Variants in ACTA2 observed in about 807,000 individuals in gnomAD.
ACTA2 encodes actin alpha 2, smooth muscle.
Under a neutral mutation model 39.5 loss-of-function variants are expected in ACTA2, and 12 were observed. The observed-to-expected ratio is 0.30, with a 90% CI of 0.19 to 0.49. ACTA2 has a LOEUF of 0.49. ACTA2 is among the 20% of genes least tolerant of loss of function. The pLI is 0.99. For missense variants in ACTA2, 236 were observed against 498.8 expected (o/e 0.47, Z 5.02); for synonymous variants, 158 against 180.6 (o/e 0.88, Z 1.00).
At chr10:88,966,563 T>A (rs1402351864) in intron 1 of ACTA2, among the ~76,000 whole-genome samples, 1 of 152,180 alleles carries the variant, frequency 6.6e-6, no homozygotes, top group Non-Finnish European at 1.5e-5. Flanking sequence ...GTCTGTGAGG[T>A]AATAAGCAGA....
At chr10:88,950,209 C>T (rs531924298) in intron 1 of ACTA2, among the ~76,000 whole-genome samples, 7 of 152,284 alleles carry the variant, frequency 4.6e-5, no homozygotes, top group African/African-American at 1.7e-4. Flanking sequence ...TTCCACTTTT[C>T]TAATCACAAT....
intron 1 of ACTA2, among the ~76,000 whole-genome samples, chr10:88,987,938 G>C (rs185539396): frequency 3.3e-5 from 5 of 151,664 alleles, no homozygotes; most frequent in African/African-American, 1.2e-4. Context: ...TTAGTTGAAG[G>C]CCTTAAAAAA....
At chr10:88,967,053 A>G (rs375619117) in intron 1 of ACTA2, among the ~76,000 whole-genome samples, 5 of 152,238 alleles carry the variant, frequency 3.3e-5, no homozygotes, top group East Asian at 1.9e-4. Flanking sequence ...AGCTTCAGAC[A>G]TACTTTAGCC....
chr10:88,972,962 T>C (rs1045185590), intron 1 of ACTA2, among the ~76,000 whole-genome samples: 1 of 152,242 alleles, frequency 6.6e-6, no homozygotes, highest in African/African-American at 2.4e-5. Context: ...TATGTGTTTA[T>C]ATGTGAGGGC....
chr10:88,970,117 A>G (rs1846399039), intron 1 of ACTA2, among the ~76,000 whole-genome samples: 1 of 152,326 alleles, frequency 6.6e-6, no homozygotes, highest in East Asian at 1.9e-4. Context: ...AATCCCTTAT[A>G]CTTAATGTTA....
chr10:88,946,741 T>A (rs1455396708), intron 3 of ACTA2: 2 of 152,088 alleles, frequency 1.3e-5, no homozygotes, highest in African/African-American at 4.8e-5. Flanking sequence ...TCTTTTTTTT[T>A]TAAATTTTAT....
chr10:88,977,888 C>CCCAG (rs1332064387), intron 1 of ACTA2, among the ~76,000 whole-genome samples: 4 of 82,514 alleles, frequency 4.8e-5, no homozygotes, highest in African/African-American at 1.4e-4. Flanking sequence ...ACCCAGCCAT[C>CCCAG]CCATTACTGG....
At position 88,935,224 on chromosome 10, in the gene ACTA2, T is replaced by C. The variant is rs1845710246; in HGVS notation, c.1133A>G (p.Ter378=). Residue 378 remains the stop codon, a stop_retained_variant, in exon 9 of 9, where the codon TAA becomes TGA. Coordinates refer to ENST00000224784, the MANE Select transcript of ACTA2 (RefSeq NM_001613.4). ...GACAGAGAGGAGCAGGAAAGTGTTT[T>C]AGAAGCATTTGCGGTGGACAATGGA... is the stretch of plus-strand genomic sequence containing the variant. ...GPSIVHRKCF[*] The C allele has an allele frequency of 1.2e-6, 2 of 1,613,094 alleles. No individual in the cohort carries two copies. Among genetic ancestry groups the C allele is most frequent in the Non-Finnish European group, 1.7e-6 (2 of 1,179,754 alleles).
chr10:88,941,607 G>C (rs891398947), intron 5 of ACTA2, among the ~76,000 whole-genome samples, 178 bp downstream of exon 5: 1 of 152,174 alleles, frequency 6.6e-6, no homozygotes, highest in African/African-American at 2.4e-5. Context: ...AAAAAGTTCT[G>C]CTAGAAATAT....
chr10:88,962,164 C>T (rs1846235721), intron 1 of ACTA2, among the ~76,000 whole-genome samples: 1 of 152,138 alleles, frequency 6.6e-6, no homozygotes, highest in Non-Finnish European at 1.5e-5. Context: ...TTCAGAGTTG[C>T]CAGATCTTCC....
chr10:88,990,993 A>G lies in ACTA2; in HGVS notation c.-78T>C. ...GGGGCGGGCGCGGGACGCGTGCGGG[A>G]TTGCGGCGGCAGCGGCGCACGCGGG... On this transcript the variant is annotated 5_prime_UTR_variant, in exon 1 of 5. Coordinates refer to the ACTA2 transcript ENST00000415557. This position sits in a 1 kb window ranked among gnomAD's most constrained non-coding sequence, Gnocchi z 4.9. 6.3e-7 allele frequency: 1 copy of G among 1,590,608 alleles called. No individual in the cohort carries two copies. The highest frequency in any genetic ancestry group is 8.6e-7 in the Non-Finnish European group (1 of 1,161,102).
At chr10:88,948,663 G>A in intron 2 of ACTA2, 139 bp downstream of exon 2, 1 of 1,172,528 alleles carries the variant, frequency 8.5e-7, no homozygotes, top group South Asian at 1.3e-5. Flanking sequence ...ATTTACTCCT[G>A]GACCTTAATC....
At chr10:88,938,862 GATTATTA>G (rs1295690722) in intron 7 of ACTA2, among the ~76,000 whole-genome samples, 3 of 152,110 alleles carry the variant, frequency 2.0e-5, no homozygotes, top group Non-Finnish European at 4.4e-5. Context: ...AGCACTACCT[GATTATTA>G]ATTACTAGTG....
intron 4 of ACTA2, among the ~76,000 whole-genome samples, chr10:88,942,935 A>G (rs1407989175): frequency 6.6e-6 from 1 of 152,232 alleles, no homozygotes; most frequent in Non-Finnish European, 1.5e-5. Context: ...TGATTCTTCA[A>G]TGCTGGAAGA....
chr10:88,965,911 G>GT (rs1196273243), intron 1 of ACTA2, among the ~76,000 whole-genome samples: 1 of 152,148 alleles, frequency 6.6e-6, no homozygotes, highest in Non-Finnish European at 1.5e-5. Flanking sequence ...GTACACCAAT[G>GT]TTTTTTTCCA....
At chr10:88,946,849 C>T (rs1040028378) in intron 3 of ACTA2, 2 of 202,612 alleles carry the variant, frequency 9.9e-6, no homozygotes, top group African/African-American at 2.3e-5. Flanking sequence ...CCCATTAACT[C>T]GTCATTTACA....
intron 1 of ACTA2, among the ~76,000 whole-genome samples, chr10:88,965,870 C>G (rs1052703130): frequency 1.3e-5 from 2 of 152,116 alleles, no homozygotes; most frequent in African/African-American, 4.8e-5. Flanking sequence ...TTTGAGAGAG[C>G]CCTGCCAAAA....
chr10:88,943,852 GT>G lies in ACTA2; in HGVS notation c.313del (p.Thr105ProfsTer8). ...GTTCAGGGGTGCCTCCGTGAGCAGG[GT>G]GGGATGCTCTTCAGGGGCAACACGA... Reference protein sequence around the residue: ...ELRVAPEEHPTLLTEAPLNPK... With the variant: ...ELRVAPEEHPXLLTEAPLNPK... On this transcript the variant is annotated frameshift_variant, in exon 4 of 9. Transcript: ENST00000224784. LOFTEE classifies it high-confidence loss of function. 1 of 1,614,030 alleles carries G rather than the reference GT, an allele frequency of 6.2e-7. No individual in the cohort carries two copies. The highest frequency in any genetic ancestry group is 8.5e-7 in the Non-Finnish European group (1 of 1,179,936).
intron 1 of ACTA2, among the ~76,000 whole-genome samples, chr10:88,978,965 G>A (rs1049580332): frequency 5.3e-5 from 8 of 151,648 alleles, no homozygotes; most frequent in African/African-American, 1.9e-4. Context: ...GCACTGCATA[G>A]CATCTTTTCT....
Sources: allele counts gnomAD v4.1 joint callset (sites outside exome capture counted in the v4.1 genomes callset), GRCh38; gene constraint gnomAD v4.1.1; non-coding constraint Gnocchi (gnomAD v3.1); transcripts MANE v1.5; gene names NCBI Gene and HGNC (gene_info 2026-07-23, HGNC 2026-07-21).